Variants in GAS7 observed in about 807,000 individuals in gnomAD.
GAS7 encodes growth arrest-specific protein 7.
A neutral mutation model predicts 71.1 loss-of-function variants in GAS7; 28 were observed. The ratio of observed to expected loss-of-function variants is 0.39; its 90% CI spans 0.29 to 0.54. GAS7 has a LOEUF of 0.54. Among genes scored for constraint, GAS7 ranks in the 20% least tolerant of loss-of-function variants. The pLI is 0.62. For missense variants in GAS7, 436 were observed against 627.8 expected (o/e 0.69, Z 3.27); for synonymous variants, 258 against 245.8 (o/e 1.05, Z -0.46).
intron 6 of GAS7, among the ~76,000 whole-genome samples, chr17:9,945,400 C>CTAA (rs2068753042): frequency 1.3e-5 from 2 of 151,754 alleles, no homozygotes; most frequent in African/African-American, 2.4e-5. Flanking sequence ...GAAAGTCTTA[C>CTAA]GCACTCTGAT....
At chr17:10,149,560 C>T (rs1311352433) in intron 1 of GAS7, among the ~76,000 whole-genome samples, 1 of 152,164 alleles carries the variant, frequency 6.6e-6, no homozygotes, top group Non-Finnish European at 1.5e-5. Flanking sequence ...TTATTAAGCA[C>T]AGAGTCCTCA....
chr17:10,080,731 A>G (rs944137139), intron 1 of GAS7, among the ~76,000 whole-genome samples: 2 of 152,270 alleles, frequency 1.3e-5, no homozygotes, highest in East Asian at 3.8e-4. Flanking sequence ...AGTTGTTCAT[A>G]GAACTCAAGG....
intron 5 of GAS7, among the ~76,000 whole-genome samples, chr17:9,949,043 A>G (rs947224071): frequency 6.6e-6 from 1 of 152,160 alleles, no homozygotes; most frequent in Non-Finnish European, 1.5e-5. Flanking sequence ...CCAGTGAGGT[A>G]CCCAGGCGTC....
At chr17:10,093,970 C>T (rs1488909390) in intron 1 of GAS7, among the ~76,000 whole-genome samples, 1 of 152,192 alleles carries the variant, frequency 6.6e-6, no homozygotes, top group African/African-American at 2.4e-5. Flanking sequence ...GCATAAGAAG[C>T]AAAGATGTGG....
At chr17:10,061,041 TG>T (rs1223355520) in intron 1 of GAS7, among the ~76,000 whole-genome samples, 1 of 152,194 alleles carries the variant, frequency 6.6e-6, no homozygotes, top group Non-Finnish European at 1.5e-5. Flanking sequence ...TGGCCTTGGC[TG>T]TGCAAATCCA....
intron 5 of GAS7, among the ~76,000 whole-genome samples, chr17:9,958,289 T>C (rs1442905783): frequency 6.6e-6 from 1 of 152,218 alleles, no homozygotes; most frequent in African/African-American, 2.4e-5. Flanking sequence ...AATGAGCCAC[T>C]TGGATCACTA....
At chr17:10,134,668 A>G (rs974413967) in intron 1 of GAS7, among the ~76,000 whole-genome samples, 5 of 152,150 alleles carry the variant, frequency 3.3e-5, no homozygotes, top group Non-Finnish European at 7.3e-5. Context: ...TTCCCCCAGG[A>G]AAGAATTCAA....
intron 1 of GAS7, among the ~76,000 whole-genome samples, chr17:10,111,071 G>C (rs2073806979): frequency 6.6e-6 from 1 of 152,172 alleles, no homozygotes; most frequent in Non-Finnish European, 1.5e-5. Flanking sequence ...ACAACTTGTA[G>C]GTCAGTAACT....
intron 1 of GAS7, among the ~76,000 whole-genome samples, chr17:10,086,953 C>A (rs984090051): frequency 5.9e-5 from 9 of 152,196 alleles, no homozygotes; most frequent in Non-Finnish European, 1.2e-4. Flanking sequence ...CTGCAAGGAG[C>A]CTATCAGATC....
intron 1 of GAS7, among the ~76,000 whole-genome samples, chr17:10,164,848 G>GAAA (rs755151597): frequency 0.17 from 18,465 of 105,718 alleles, 1,898 homozygotes; most frequent in Non-Finnish European, 0.26. Flanking sequence ...ATGAAAAAAG[G>GAAA]AAAAAAAAAA....
At chr17:10,162,894 A>G (rs1567615878) in intron 1 of GAS7, among the ~76,000 whole-genome samples, 1 of 152,170 alleles carries the variant, frequency 6.6e-6, no homozygotes. Context: ...CAGTTTTGCA[A>G]AATGAAAAAG....
At position 9,913,047 on chromosome 17, in the gene GAS7, G is replaced by A. The variant is rs2067481152; in HGVS notation, c.*4181C>T. On this transcript the variant is annotated 3_prime_UTR_variant, in exon 14 of 14. Coordinates refer to ENST00000432992, the MANE Select transcript of GAS7 (RefSeq NM_201433.2). ...ATCAATCAGGGTTGCCAGGGAAAGA[G>A]GGCAGGAGAAGGGAATTTTTTGGAG... is the stretch of plus-strand genomic sequence containing the variant. The A allele has an allele frequency of 4.3e-6, 1 of 232,676 alleles. No individual in the cohort carries two copies. The highest frequency in any genetic ancestry group is 8.5e-6 in the Non-Finnish European group (1 of 117,688). 14.4% of individuals were successfully genotyped at this position (232,676 alleles called of 1,614,324 possible).
At chr17:9,963,144 T>A (rs4791920) in intron 4 of GAS7, among the ~76,000 whole-genome samples, 18,445 of 151,974 alleles carry the variant, frequency 0.12, 3,078 homozygotes, top group African/African-American at 0.37. Flanking sequence ...AATATTCTTC[T>A]GTCATAAAAA....
At chr17:10,174,015 T>A (rs568197632) in intron 1 of GAS7, among the ~76,000 whole-genome samples, 3 of 152,216 alleles carry the variant, frequency 2.0e-5, no homozygotes, top group African/African-American at 7.2e-5. Context: ...TCCTTTATAC[T>A]GGCTGAACTG....
In GAS7 at chr17:10,115,336, G is replaced by A. The variant is rs377168859; in HGVS notation, c.183+82872C>T. ...TGGCGGGTGCACAGGCGGGGGGAAC[G>A]CTGCAAAAACACAGCTGTAGGTTCA... On this transcript the variant is annotated intron_variant, in intron 1 of 13. Transcript: ENST00000432992. Among the ~76,000 whole-genome samples the A allele has an allele frequency of 8.3e-4, 126 of 152,266 alleles. 1 individual carries two copies. Among genetic ancestry groups the A allele is most frequent in the African/African-American group, 2.9e-3 (119 of 41,558 alleles).
chr17:10,062,610 T>C (rs1394937196), intron 1 of GAS7, among the ~76,000 whole-genome samples: 1 of 152,238 alleles, frequency 6.6e-6, no homozygotes, highest in Non-Finnish European at 1.5e-5. Flanking sequence ...AAACACATCT[T>C]GCCCATAGAA....
At position 9,915,538 on chromosome 17, in the gene GAS7, T is replaced by C. The variant is rs948730568; in HGVS notation, c.*1690A>G. The C allele has an allele frequency of 8.8e-6, 2 of 226,278 alleles. No homozygotes were observed. Among genetic ancestry groups the C allele is most frequent in the Non-Finnish European group, 1.8e-5 (2 of 113,656 alleles). The allele number at this position is 226,278 out of a possible 1,614,324, so 14.0% of individuals were successfully genotyped here. A position where few individuals can be genotyped will look rare whatever the true frequency, so the allele number is the denominator to read the frequency against. ...CAATGTTTCAAGAACAAGAGAAAAG[T>C]GACAACGTTTGGTTTACTTTAGTAT... On this transcript the variant is annotated 3_prime_UTR_variant, in exon 14 of 14. Transcript: ENST00000432992.
intron 1 of GAS7, among the ~76,000 whole-genome samples, chr17:10,077,621 T>A (rs1435761145): frequency 6.6e-6 from 1 of 152,170 alleles, no homozygotes; most frequent in Non-Finnish European, 1.5e-5. Flanking sequence ...CCTATCCCAA[T>A]GGCAGAAAAC....
chr17:10,073,205 G>A lies in GAS7; in HGVS notation c.184-53308C>T, dbSNP rs374638542. 3.6e-4 allele frequency among the ~76,000 whole-genome samples: 55 copies of A among 152,342 alleles called. No individual in the cohort carries two copies. The East Asian group carries it at 7.1e-3, about 20-fold the overall frequency. ...AGGACTCGACGTGTCCCAACAGGCC[G>A]TGTGGCTCAGCCGGAGAAACAAGAA... On this transcript the variant is annotated intron_variant, in intron 1 of 13. Coordinates refer to ENST00000432992, the MANE Select transcript of GAS7 (RefSeq NM_201433.2).
Sources: allele counts gnomAD v4.1 joint callset (sites outside exome capture counted in the v4.1 genomes callset), GRCh38; gene constraint gnomAD v4.1.1; transcripts MANE v1.5; gene names NCBI Gene and HGNC (gene_info 2026-07-23, HGNC 2026-07-21).